Variants in ARPC1A observed in about 807,000 individuals in gnomAD.
The protein encoded by ARPC1A is actin related protein 2/3 complex subunit 1A.
Under a neutral mutation model 46.9 loss-of-function variants are expected in ARPC1A, and 8 were observed. The ratio of observed to expected loss-of-function variants is 0.17; its 90% CI spans 0.10 to 0.31. The LOEUF (loss-of-function observed/expected upper bound fraction) is 0.31, where lower values mean the gene tolerates loss of function less well. Among genes scored for constraint, ARPC1A ranks in the 10% least tolerant of loss-of-function variants. The pLI is 1.00. For synonymous variants in ARPC1A, 152 were observed against 169.0 expected (o/e 0.90, Z 0.78); for missense variants, 286 against 483.6 (o/e 0.59, Z 3.83).
At chr7:99,339,197 A>C (rs909450622) in intron 3 of ARPC1A, among the ~76,000 whole-genome samples, 2 of 152,146 alleles carry the variant, frequency 1.3e-5, no homozygotes, top group Non-Finnish European at 2.9e-5. Context: ...GCAGACTATA[A>C]TTTGCTATGA....
At chr7:99,353,113 TTTATG>T (rs201492356) in intron 5 of ARPC1A, among the ~76,000 whole-genome samples, 32,445 of 136,132 alleles carry the variant, frequency 0.24, 3,895 homozygotes, top group Middle Eastern at 0.29. Flanking sequence ...TTTAGTTTAG[TTTATG>T]TTATGTTATG....
At chr7:99,365,156 AAG>A (rs1274361743) in intron 9 of ARPC1A, among the ~76,000 whole-genome samples, 1 of 152,158 alleles carries the variant, frequency 6.6e-6, no homozygotes, top group Non-Finnish European at 1.5e-5. Flanking sequence ...AGCTAGAAAA[AAG>A]AGCTCTAGGT....
chr7:99,330,476 G>C (rs761583313), intron 1 of ARPC1A, among the ~76,000 whole-genome samples: 1 of 152,108 alleles, frequency 6.6e-6, no homozygotes, highest in Non-Finnish European at 1.5e-5. Flanking sequence ...CACCATGCCC[G>C]TCTGATTTTT....
At chr7:99,359,483 T>A in intron 7 of ARPC1A, 62 bp from the exon 8 acceptor site, 30 of 1,438,184 alleles carry the variant, frequency 2.1e-5, no homozygotes, top group Non-Finnish European at 2.7e-5. Flanking sequence ...TGGTGAACAC[T>A]CTGCCAAGGA....
chr7:99,344,864 CTT>C (rs60398022), intron 4 of ARPC1A, among the ~76,000 whole-genome samples: 88 of 69,350 alleles, frequency 1.3e-3, no homozygotes, highest in African/African-American at 3.0e-3. Flanking sequence ...AATATTTTTT[CTT>C]TTTTTTTTTT....
At position 99,328,652 on chromosome 7, in the gene ARPC1A, A is replaced by C. The variant is rs1468258545; in HGVS notation, c.-30+2648A>C. The stretch of plus-strand genomic sequence containing the variant: ...AATGACTCTGTACTCAGTGATAGAT[A>C]AAGAAAAGGGGTGGGGGCCGGGCAT... On this transcript the variant is annotated intron_variant, in intron 1 of 9. Transcript: ENST00000262942. Among the ~76,000 whole-genome samples, 6 of 152,106 alleles carry C rather than the reference A, an allele frequency of 3.9e-5. 1 individual carries two copies. Among genetic ancestry groups the C allele is most frequent in the Admixed American group, 2.6e-4 (4 of 15,262 alleles).
chr7:99,357,113 G>C (rs1793649314), intron 6 of ARPC1A, among the ~76,000 whole-genome samples: 1 of 151,854 alleles, frequency 6.6e-6, no homozygotes. Context: ...TTTTTATATG[G>C]TTTATTGTGA....
intron 2 of ARPC1A, 146 bp downstream of exon 2, chr7:99,333,563 C>T: frequency 1.4e-6 from 1 of 712,646 alleles, no homozygotes; most frequent in Non-Finnish European, 2.3e-6. Context: ...CTAAGTCAGT[C>T]CTTTGGTTTA....
At chr7:99,350,162 G>C (rs1341757176) in intron 5 of ARPC1A, among the ~76,000 whole-genome samples, 1 of 152,118 alleles carries the variant, frequency 6.6e-6, no homozygotes, top group African/African-American at 2.4e-5. Context: ...GCAAGGGTGG[G>C]GCCAGCGAAG....
chr7:99,361,444 A>G (rs1562803758), intron 8 of ARPC1A, among the ~76,000 whole-genome samples: 1 of 147,150 alleles, frequency 6.8e-6, no homozygotes, highest in Admixed American at 6.9e-5. Flanking sequence ...CCTGGGCTAC[A>G]TTGTGAGATC....
Position 99,344,274 on chromosome 7 carries a change from AC to A in ARPC1A, c.170-16del, listed in dbSNP as rs746363382. 8 of 1,612,790 alleles carry A rather than the reference AC, an allele frequency of 5.0e-6. No homozygotes were observed. In the East Asian group the frequency reaches 1.6e-4, roughly 31 times the overall value. The stretch of plus-strand genomic sequence containing the variant: ...TGTCATTGACTGGGCAAAGCAGATG[AC>A]CCATGTCTCACTTGCAGGTATTGAC... On this transcript the variant is annotated intron_variant, in intron 3 of 9. Coordinates refer to ENST00000262942, the MANE Select transcript of ARPC1A (RefSeq NM_006409.4).
At chr7:99,334,852 T>C (rs573672944) in intron 2 of ARPC1A, among the ~76,000 whole-genome samples, 103 of 150,410 alleles carry the variant, frequency 6.8e-4, no homozygotes, top group African/African-American at 2.5e-3. Flanking sequence ...TGGCTAATAT[T>C]TTTTTTTTTG....
intron 5 of ARPC1A, 118 bp downstream of exon 5, chr7:99,349,077 G>C: frequency 4.9e-6 from 5 of 1,018,902 alleles, no homozygotes; most frequent in Non-Finnish European, 7.3e-6. Flanking sequence ...TTTTGAGACA[G>C]GGTCTCACTC....
chr7:99,344,045 A>G (rs558985055), intron 3 of ARPC1A, among the ~76,000 whole-genome samples: 3 of 152,354 alleles, frequency 2.0e-5, no homozygotes, highest in African/African-American at 7.2e-5. Flanking sequence ...AGTTTTGTAA[A>G]GTCTGTAATT....
chr7:99,340,510 A>G (rs115646175), intron 3 of ARPC1A, among the ~76,000 whole-genome samples: 1,717 of 151,986 alleles, frequency 0.011, 29 homozygotes, highest in African/African-American at 0.038. Flanking sequence ...TAGAAGGATC[A>G]TGGCTCACTA....
intron 9 of ARPC1A, among the ~76,000 whole-genome samples, chr7:99,364,880 G>A (rs1162201957): frequency 6.6e-6 from 1 of 152,174 alleles, no homozygotes; most frequent in African/African-American, 2.4e-5. Context: ...CTGGGTAGGG[G>A]ATTCGGCAGA....
intron 9 of ARPC1A, among the ~76,000 whole-genome samples, chr7:99,365,302 G>A (rs1793817058): frequency 6.6e-6 from 1 of 151,976 alleles, no homozygotes; most frequent in South Asian, 2.1e-4. Flanking sequence ...AAAGCCAGGT[G>A]CAGCCAGGCG....
chr7:99,332,314 A>G (rs914110380), intron 1 of ARPC1A, among the ~76,000 whole-genome samples: 3 of 152,200 alleles, frequency 2.0e-5, no homozygotes, highest in African/African-American at 4.8e-5. Context: ...GTCACTATTT[A>G]TAAGTGACGA....
At chr7:99,342,716 C>CTTTTTTTTTTTTTTT (rs555524613) in intron 3 of ARPC1A, among the ~76,000 whole-genome samples, 1 of 101,928 alleles carries the variant, frequency 9.8e-6, no homozygotes, top group Non-Finnish European at 1.8e-5. Context: ...CTTCATACTA[C>CTTTTTTTTTTTTTTT]TTTTTTTTTT....
Sources: allele counts gnomAD v4.1 joint callset (sites outside exome capture counted in the v4.1 genomes callset), GRCh38; gene constraint gnomAD v4.1.1; transcripts MANE v1.5; gene names NCBI Gene and HGNC (gene_info 2026-07-23, HGNC 2026-07-21).